Variants in TNFRSF21 observed in about 807,000 individuals in gnomAD.
TNFRSF21 encodes the protein TNF receptor superfamily member 21.
A neutral mutation model predicts 45.6 loss-of-function variants in TNFRSF21; 19 were observed. The observed-to-expected ratio is 0.42, with a 90% CI of 0.29 to 0.61. The LOEUF (loss-of-function observed/expected upper bound fraction) is 0.61. Ranked by LOEUF, TNFRSF21 falls within the 20% of genes least tolerant of loss-of-function variation. TNFRSF21 has a pLI of 0.23. For synonymous variants in TNFRSF21, 314 were observed against 335.5 expected (o/e 0.94, Z 0.70); for missense variants, 737 against 851.5 (o/e 0.87, Z 1.67).
intron 2 of TNFRSF21, among the ~76,000 whole-genome samples, chr6:47,284,972 G>A (rs1457002246): frequency 6.6e-6 from 1 of 152,166 alleles, no homozygotes; most frequent in Admixed American, 6.5e-5. Flanking sequence ...AACAAGATTT[G>A]GGCTGGCAGC....
In TNFRSF21 at chr6:47,251,679, G is replaced by T. The variant is rs186459301; in HGVS notation, c.1509+1577C>A. Among the ~76,000 whole-genome samples, 147 of 152,224 alleles carry T rather than the reference G, an allele frequency of 9.7e-4. 1 individual carries two copies. The highest frequency in any genetic ancestry group is 1.8e-4 in the Non-Finnish European group (12 of 68,008). On this transcript the variant is annotated intron_variant, in intron 4 of 5. Transcript: ENST00000296861. ...AAATCCTTCTTTGAGCCTTAGGCTT[G>T]TCTTCCAGCTCTCTCCTTAAAGCCA...
At chr6:47,264,250 G>A (rs148456886) in intron 3 of TNFRSF21, among the ~76,000 whole-genome samples, 4,178 of 152,254 alleles carry the variant, frequency 0.027, 180 homozygotes, top group African/African-American at 0.091. Flanking sequence ...ACCTTAGGCC[G>A]GGTGCGGTGG....
intron 3 of TNFRSF21, among the ~76,000 whole-genome samples, chr6:47,255,701 G>A (rs1463060084): frequency 2.0e-5 from 3 of 152,152 alleles, no homozygotes; most frequent in Admixed American, 6.5e-5. Context: ...GACCTCAGGT[G>A]ATCTGCCTGC....
chr6:47,308,823 G>A (rs1327252928), intron 1 of TNFRSF21, among the ~76,000 whole-genome samples: 1 of 152,262 alleles, frequency 6.6e-6, no homozygotes, highest in Non-Finnish European at 1.5e-5. Context: ...CGAGCCAAGA[G>A]GGAAGAGAGA....
intron 3 of TNFRSF21, among the ~76,000 whole-genome samples, chr6:47,263,055 G>A (rs1047111739): frequency 7.9e-5 from 12 of 152,106 alleles, no homozygotes; most frequent in Non-Finnish European, 1.2e-4. Flanking sequence ...TAGGGGTCTG[G>A]GCCAAAGTGG....
chr6:47,260,654 A>G (rs763753947), intron 3 of TNFRSF21, among the ~76,000 whole-genome samples: 4 of 152,204 alleles, frequency 2.6e-5, no homozygotes, highest in Non-Finnish European at 5.9e-5. Flanking sequence ...AATGTCATCA[A>G]TGAGAACCCA....
intron 1 of TNFRSF21, among the ~76,000 whole-genome samples, chr6:47,290,325 C>A (rs1320012346): frequency 1.3e-5 from 2 of 152,126 alleles, no homozygotes; most frequent in Non-Finnish European, 2.9e-5. Flanking sequence ...GGCAGTCAGA[C>A]ACACCCACAC....
At chr6:47,234,189 C>A (rs1207468187) in intron 5 of TNFRSF21, among the ~76,000 whole-genome samples, 1 of 152,074 alleles carries the variant, frequency 6.6e-6, no homozygotes, top group Non-Finnish European at 1.5e-5. Context: ...GTTGGCCAGG[C>A]TCATCTCTAA....
rs763251574 is a variant in TNFRSF21 at position 47,232,974 on chromosome 6, G to A, written c.1759C>T (p.Arg587Trp). Residue 587 changes from arginine (R) to tryptophan (W), a missense_variant, in exon 6 of 6, where the codon CGG becomes TGG. By Grantham distance (101) the Arg-to-Trp change is moderately radical. Coordinates refer to ENST00000296861, the MANE Select transcript of TNFRSF21 (RefSeq NM_014452.5). ...ITKEKKDTVL[R>W]QVRLDPCDLQ... ...TCACAGGGGTCCAGGCGTACCTGCCGCAACACTGTGTCCTTCTTTTCTGCA... is the reference window on the plus strand; with the variant it reads ...TCACAGGGGTCCAGGCGTACCTGCCACAACACTGTGTCCTTCTTTTCTGCA... 3.7e-6 allele frequency: 6 copies of A among 1,614,164 alleles called. No homozygotes were observed. Among genetic ancestry groups the A allele is most frequent in the East Asian group, 2.2e-5 (1 of 44,886 alleles).
chr6:47,242,932 G>A (rs968745148), intron 4 of TNFRSF21, among the ~76,000 whole-genome samples: 12 of 152,122 alleles, frequency 7.9e-5, no homozygotes, highest in Admixed American at 7.2e-4. Context: ...AAAGCCTTTC[G>A]ATAATTCTAT....
intron 4 of TNFRSF21, among the ~76,000 whole-genome samples, chr6:47,242,296 C>A (rs945564493): frequency 6.6e-6 from 1 of 152,148 alleles, no homozygotes; most frequent in African/African-American, 2.4e-5. Flanking sequence ...TCAACTGCAA[C>A]CTTACTTAAG....
At chr6:47,289,741 C>T (rs1227703870) in intron 1 of TNFRSF21, among the ~76,000 whole-genome samples, 2 of 152,148 alleles carry the variant, frequency 1.3e-5, no homozygotes, top group African/African-American at 4.8e-5. Flanking sequence ...TGCCTGTAAT[C>T]CCAGAACTTT....
At chr6:47,282,933 G>T (rs1762590930) in intron 3 of TNFRSF21, among the ~76,000 whole-genome samples, 1 of 152,100 alleles carries the variant, frequency 6.6e-6, no homozygotes, top group Non-Finnish European at 1.5e-5. Flanking sequence ...AAAAGTTTAA[G>T]ATCTTTGTGC....
intron 2 of TNFRSF21, among the ~76,000 whole-genome samples, chr6:47,285,246 A>G (rs1762629221): frequency 1.3e-5 from 2 of 152,258 alleles, no homozygotes; most frequent in South Asian, 2.1e-4. Flanking sequence ...TGAAAATTAC[A>G]TTAAATCAAA....
At chr6:47,301,627 G>C (rs1393669175) in intron 1 of TNFRSF21, among the ~76,000 whole-genome samples, 8 of 152,106 alleles carry the variant, frequency 5.3e-5, no homozygotes, top group Admixed American at 5.2e-4. Flanking sequence ...TGAGTTCTCT[G>C]TTAATTCCTA....
intron 1 of TNFRSF21, among the ~76,000 whole-genome samples, chr6:47,297,624 G>A (rs923793604): frequency 6.7e-6 from 1 of 149,350 alleles, no homozygotes; most frequent in Non-Finnish European, 1.5e-5. Flanking sequence ...CTGGGTTCAT[G>A]CAATTCGAGT....
chr6:47,308,664 T>C (rs915846525), intron 1 of TNFRSF21, among the ~76,000 whole-genome samples: 11 of 152,212 alleles, frequency 7.2e-5, no homozygotes, highest in African/African-American at 1.2e-4. Context: ...GGAAAGACTG[T>C]AGAAAATTCA....
intron 1 of TNFRSF21, among the ~76,000 whole-genome samples, chr6:47,307,306 A>G (rs1051534702): frequency 6.6e-6 from 1 of 152,214 alleles, no homozygotes; most frequent in African/African-American, 2.4e-5. Flanking sequence ...CAAAGTAGCC[A>G]AACTTAAATT....
In TNFRSF21 at chr6:47,238,031, C is replaced by T. The variant is rs192153175; in HGVS notation, c.1510-3133G>A. ...TGCCACTGCCCTCCAGCCTGGACGA[C>T]GGAGTGAGACTCTGTCTCAAAAAAA... On this transcript the variant is annotated intron_variant, in intron 4 of 5. Transcript: ENST00000296861. Among the ~76,000 whole-genome samples the T allele has an allele frequency of 1.3e-4, 20 of 151,904 alleles. No individual in the cohort carries two copies. The East Asian group carries it at 3.5e-3, about 26-fold the overall frequency.
Sources: gnomAD v4.1 joint callset for allele counts (sites outside exome capture counted in the v4.1 genomes callset) on GRCh38, gnomAD v4.1.1 for gene constraint, MANE v1.5 for transcripts, NCBI Gene and HGNC (gene_info 2026-07-23, HGNC 2026-07-21) for gene names.